The following DCAF4 variants were observed in gnomAD, a reference collection of about 807,000 sequenced individuals.
DCAF4 encodes DDB1- and CUL4-associated factor 4.
DCAF4 carries 37 observed loss-of-function variants against 60.9 expected under a neutral mutation model. That is an observed-to-expected ratio of 0.61 (90% CI 0.47 to 0.80). DCAF4 has a LOEUF of 0.80. DCAF4 is among the 30% of genes least tolerant of loss of function. The pLI is 0.00. For missense variants in DCAF4, 577 were observed against 650.0 expected (o/e 0.89, Z 1.22); for synonymous variants, 243 against 254.8 (o/e 0.95, Z 0.44).
chr14:72,953,732 A>AAAATATATATAT (rs1555527852), intron 9 of DCAF4, among the ~76,000 whole-genome samples: 1 of 21,776 alleles, frequency 4.6e-5, no homozygotes, highest in Admixed American at 8.0e-4. Context: ...AAAAAAAAAA[A>AAAATATATATAT]ATATATATAT....
intron 8 of DCAF4, among the ~76,000 whole-genome samples, chr14:72,950,919 C>G (rs1891323596): frequency 6.6e-6 from 1 of 152,062 alleles, no homozygotes; most frequent in African/African-American, 2.4e-5. Flanking sequence ...GCAGTTCTCT[C>G]TGAGTAGAGG....
Position 72,940,303 on chromosome 14 carries a change from A to C in DCAF4, c.277A>C (p.Lys93Gln). Reference protein sequence around the residue: ...PGHNNCNPLTKESIRQKEMES... With the variant: ...PGHNNCNPLTQESIRQKEMES... ...ACATAACAACTGCAACCCCCTGACG[A>C]AAGAGAGCATCCGGCAGAAGGAGAT... Residue 93 changes from lysine (K) to glutamine (Q), a missense_variant, in exon 4 of 14, where the codon AAA becomes CAA. By Grantham distance (53) the Lys-to-Gln change is moderately conservative. Coordinates refer to ENST00000358377, the MANE Select transcript of DCAF4 (RefSeq NM_015604.4). 6.2e-7 allele frequency: 1 copy of C among 1,614,208 alleles called. No individual in the cohort carries two copies. Among genetic ancestry groups the C allele is most frequent in the Non-Finnish European group, 8.5e-7 (1 of 1,180,038 alleles).
At chr14:72,937,410 C>CTTTTTTTTTTTT (rs11288108) in intron 1 of DCAF4, among the ~76,000 whole-genome samples, 1 of 105,752 alleles carries the variant, frequency 9.5e-6, no homozygotes, top group Non-Finnish European at 1.8e-5. Flanking sequence ...TTTTTCTTTT[C>CTTTTTTTTTTTT]TTTTTTTTTT....
chr14:72,954,127 G>A, intron 9 of DCAF4, 37 bp from the exon 10 acceptor site: 1 of 1,611,366 alleles, frequency 6.2e-7, no homozygotes, highest in Non-Finnish European at 8.5e-7. Flanking sequence ...CTGCCTAGAA[G>A]GCAGCCACAC....
intron 1 of DCAF4, among the ~76,000 whole-genome samples, chr14:72,931,988 C>CTTTTT (rs146250601): frequency 4.4e-4 from 51 of 116,974 alleles, no homozygotes; most frequent in African/African-American, 1.7e-3. Context: ...ATTTTTCCTT[C>CTTTTT]TTTTTTTTTT....
At chr14:72,955,878 C>T (rs1025487829) in intron 12 of DCAF4, among the ~76,000 whole-genome samples, 182 bp downstream of exon 12, 12 of 146,276 alleles carry the variant, frequency 8.2e-5, no homozygotes, top group Admixed American at 4.8e-4. Context: ...CCTAATCTGA[C>T]GTAAACAAAA....
intron 5 of DCAF4, chr14:72,942,445 C>CTGGG (rs1468036196): frequency 1.9e-5 from 3 of 155,496 alleles, no homozygotes; most frequent in African/African-American, 7.2e-5. Flanking sequence ...AGGCAGCTTC[C>CTGGG]TGGGGCACAG....
At chr14:72,947,059 C>A (rs946402902) in intron 7 of DCAF4, 83 bp from the exon 8 acceptor site, 2 of 1,562,728 alleles carry the variant, frequency 1.3e-6, no homozygotes, top group Admixed American at 1.7e-5. Context: ...AGAAGTCACA[C>A]GTCTGTGTCC....
At chr14:72,951,530 G>A (rs904707655) in intron 8 of DCAF4, among the ~76,000 whole-genome samples, 1 of 152,130 alleles carries the variant, frequency 6.6e-6, no homozygotes, top group Admixed American at 6.5e-5. Flanking sequence ...AGAATCGCTT[G>A]AACCTGGGAG....
chr14:72,960,560 T>C (rs1892780499), downstream of DCAF4: 1 of 1,024,978 alleles, frequency 9.8e-7, no homozygotes, highest in African/African-American at 1.7e-5. Flanking sequence ...CTCAGCATTG[T>C]GGCTGACAGT....
At chr14:72,961,825 C>T (rs1318990270), downstream of DCAF4, 1 of 1,053,394 alleles carries the variant, frequency 9.5e-7, no homozygotes. Flanking sequence ...GAAGCAGGCT[C>T]AGGCCTCTCT....
intron 1 of DCAF4, among the ~76,000 whole-genome samples, chr14:72,928,187 C>CT (rs565229070): frequency 0.076 from 5,081 of 67,024 alleles, 665 homozygotes; most frequent in Non-Finnish European, 0.084. Flanking sequence ...AATCCCCCCA[C>CT]TTTTTTTTTT....
At chr14:72,949,379 C>T (rs1218381018) in intron 8 of DCAF4, among the ~76,000 whole-genome samples, 1 of 152,092 alleles carries the variant, frequency 6.6e-6, no homozygotes, top group Admixed American at 6.5e-5. Flanking sequence ...TCATTTGAGC[C>T]CCAGAGTTCA....
chr14:72,942,853 C>T (rs1890227513), intron 5 of DCAF4, 141 bp from the exon 6 acceptor site: 11 of 681,130 alleles, frequency 1.6e-5, no homozygotes, highest in Non-Finnish European at 2.2e-5. Context: ...GGATCTTGCT[C>T]AGCTCCATTG....
intron 1 of DCAF4, chr14:72,929,949 C>A (rs1888316329): frequency 2.2e-6 from 2 of 908,704 alleles, no homozygotes; most frequent in Non-Finnish European, 3.4e-6. Context: ...CTCTCCATGG[C>A]GGCCGTGGCG....
intron 4 of DCAF4, 134 bp downstream of exon 4, chr14:72,940,511 T>C: frequency 1.2e-6 from 1 of 863,050 alleles, no homozygotes; most frequent in Non-Finnish European, 1.7e-6. Flanking sequence ...GGCCCTAGCT[T>C]TTCCCTGACA....
At chr14:72,946,736 A>G (rs912372248) in intron 7 of DCAF4, among the ~76,000 whole-genome samples, 5 of 152,196 alleles carry the variant, frequency 3.3e-5, no homozygotes, top group African/African-American at 9.6e-5. Flanking sequence ...CTAGGGAGCA[A>G]CCTTTAAGTT....
chr14:72,943,315 C>G (rs542658727), intron 6 of DCAF4, among the ~76,000 whole-genome samples: 2 of 152,368 alleles, frequency 1.3e-5, no homozygotes, highest in African/African-American at 4.8e-5. Flanking sequence ...TCACCCCCCA[C>G]TTCAGCTCCG....
chr14:72,937,416 T>TC (rs1395948315), intron 1 of DCAF4, among the ~76,000 whole-genome samples: 2 of 144,252 alleles, frequency 1.4e-5, no homozygotes, highest in Admixed American at 6.9e-5. Context: ...TTTTCTTTTT[T>TC]TTTTTTTTTT....
Sources: gnomAD v4.1 joint callset for allele counts (sites outside exome capture counted in the v4.1 genomes callset) on GRCh38, gnomAD v4.1.1 for gene constraint, MANE v1.5 for transcripts, NCBI Gene and HGNC (gene_info 2026-07-23, HGNC 2026-07-21) for gene names.